CA10: variants seen among roughly 807,000 people sequenced by gnomAD.
CA10 encodes carbonic anhydrase-related protein 10.
A neutral mutation model predicts 44.2 loss-of-function variants in CA10; 14 were observed. The ratio of observed to expected loss-of-function variants is 0.32; its 90% CI spans 0.21 to 0.50. CA10 has a LOEUF of 0.50. CA10 is among the 20% of genes least tolerant of loss of function. The pLI, the probability that CA10 is intolerant of heterozygous loss-of-function variation, is 0.99. For synonymous variants in CA10, 159 were observed against 141.6 expected (o/e 1.12, Z -0.87); for missense variants, 350 against 409.7 (o/e 0.85, Z 1.26).
At chr17:51,802,489 C>A (rs1357122062) in intron 3 of CA10, among the ~76,000 whole-genome samples, 1 of 147,982 alleles carries the variant, frequency 6.8e-6, no homozygotes, top group Non-Finnish European at 1.5e-5. Context: ...GAAATTCTTT[C>A]CCCTCAGGCT....
intron 3 of CA10, among the ~76,000 whole-genome samples, chr17:51,877,020 T>A (rs1395538953): frequency 6.6e-6 from 1 of 152,224 alleles, no homozygotes; most frequent in Non-Finnish European, 1.5e-5. Context: ...TCTCCTCACT[T>A]GAGAAAGTTT....
chr17:51,768,070 T>A (rs1905455949), intron 3 of CA10, among the ~76,000 whole-genome samples: 1 of 152,170 alleles, frequency 6.6e-6, no homozygotes, highest in African/African-American at 2.4e-5. Flanking sequence ...GACTCTCAGT[T>A]TTAACCTGAT....
At chr17:51,640,133 G>A (rs1913021390) in intron 6 of CA10, among the ~76,000 whole-genome samples, 1 of 152,178 alleles carries the variant, frequency 6.6e-6, no homozygotes. Flanking sequence ...CAGGGGAAGG[G>A]TTTGCATCTT....
At chr17:51,902,262 G>T (rs1456479534) in intron 3 of CA10, among the ~76,000 whole-genome samples, 1 of 152,108 alleles carries the variant, frequency 6.6e-6, no homozygotes, top group African/African-American at 2.4e-5. Context: ...ACCATTCTCT[G>T]TTGGAGGCAC....
chr17:51,701,793 C>T, intron 4 of CA10, among the ~76,000 whole-genome samples: 1 of 152,214 alleles, frequency 6.6e-6, no homozygotes, highest in Non-Finnish European at 1.5e-5. Context: ...AGCTTGCATT[C>T]ACATTCCATT....
intron 4 of CA10, among the ~76,000 whole-genome samples, chr17:51,685,730 G>C (rs1165641420): frequency 6.6e-6 from 1 of 152,212 alleles, no homozygotes; most frequent in Admixed American, 6.5e-5. Context: ...AAATGGGCCT[G>C]AGTGGCAGCC....
intron 3 of CA10, among the ~76,000 whole-genome samples, chr17:51,751,560 T>A (rs1567827406): frequency 6.6e-6 from 1 of 152,162 alleles, no homozygotes; most frequent in Non-Finnish European, 1.5e-5. Context: ...ATGGCATGGG[T>A]GCCTAGGTGA....
At chr17:51,716,714 G>A (rs9910232) in intron 4 of CA10, among the ~76,000 whole-genome samples, 89,628 of 152,012 alleles carry the variant, frequency 0.59, 27,094 homozygotes, top group East Asian at 0.73. Flanking sequence ...AGCATGTGCC[G>A]TGTACCCTAG....
intron 3 of CA10, among the ~76,000 whole-genome samples, chr17:51,927,061 T>A (rs1982462327): frequency 6.6e-6 from 1 of 152,196 alleles, no homozygotes; most frequent in Admixed American, 6.5e-5. Flanking sequence ...CAGTCTCTTT[T>A]TTAGATCCTA....
chr17:51,821,837 T>C (rs1201148237), intron 3 of CA10, among the ~76,000 whole-genome samples: 1 of 152,156 alleles, frequency 6.6e-6, no homozygotes, highest in Non-Finnish European at 1.5e-5. Flanking sequence ...TAAGTTTGAC[T>C]CCCGATTCTG....
intron 1 of CA10, among the ~76,000 whole-genome samples, chr17:52,090,504 AAAG>A (rs1988230813): frequency 6.6e-6 from 1 of 152,198 alleles, no homozygotes; most frequent in Non-Finnish European, 1.5e-5. Context: ...AATCTACAGC[AAAG>A]AAGTGGACTA....
intron 1 of CA10, among the ~76,000 whole-genome samples, chr17:52,126,375 G>A (rs77630572): frequency 0.016 from 2,442 of 152,134 alleles, 32 homozygotes; most frequent in Non-Finnish European, 0.026. Context: ...CCCTTTCCAA[G>A]AGCCAACACA....
intron 4 of CA10, among the ~76,000 whole-genome samples, chr17:51,729,011 G>A (rs183749759): frequency 6.6e-6 from 1 of 152,202 alleles, no homozygotes; most frequent in East Asian, 1.9e-4. Flanking sequence ...GCTAGAGAGA[G>A]GGAACAGCTT....
At chr17:51,717,614 C>T (rs186451979) in intron 4 of CA10, among the ~76,000 whole-genome samples, 1 of 111,464 alleles carries the variant, frequency 9.0e-6, no homozygotes, top group Admixed American at 9.9e-5. Context: ...TACATGTATA[C>T]ATGTATATAT....
chr17:51,912,678 GCAAT>G (rs1408504472), intron 3 of CA10, among the ~76,000 whole-genome samples: 1 of 152,144 alleles, frequency 6.6e-6, no homozygotes, highest in Admixed American at 6.6e-5. Flanking sequence ...CACTGTGTGT[GCAAT>G]GAAAGGGAAT....
At chr17:51,769,688 G>A (rs1239634174) in intron 3 of CA10, among the ~76,000 whole-genome samples, 2 of 152,108 alleles carry the variant, frequency 1.3e-5, no homozygotes, top group African/African-American at 4.8e-5. Context: ...CTAGACCAGA[G>A]AAAAAGTGTA....
chr17:52,158,907 G>T (rs1031480224), upstream of CA10, among the ~76,000 whole-genome samples: 2 of 152,148 alleles, frequency 1.3e-5, no homozygotes, highest in Non-Finnish European at 2.9e-5. Context: ...GGCCCGGGCG[G>T]GGAGGTGAGG....
At chr17:52,120,300 T>C (rs540274955) in intron 1 of CA10, among the ~76,000 whole-genome samples, 1 of 152,278 alleles carries the variant, frequency 6.6e-6, no homozygotes, top group South Asian at 2.1e-4. Flanking sequence ...CCTTTGATGA[T>C]CACCCCTTTT....
chr17:51,637,157 CT>C (rs1244324106), intron 6 of CA10, among the ~76,000 whole-genome samples: 1 of 152,020 alleles, frequency 6.6e-6, no homozygotes, highest in African/African-American at 2.4e-5. Context: ...CGTGATTGTT[CT>C]CTTCTGCTGG....
Sources: allele counts gnomAD v4.1 joint callset (sites outside exome capture counted in the v4.1 genomes callset), GRCh38; gene constraint gnomAD v4.1.1; transcripts MANE v1.5; gene names NCBI Gene and HGNC (gene_info 2026-07-23, HGNC 2026-07-21).